The following PABPC4L variants were observed in gnomAD, a reference collection of about 807,000 sequenced individuals.
PABPC4L encodes the protein polyadenylate-binding protein 4-like.
For synonymous variants in PABPC4L, 169 were observed against 164.1 expected (o/e 1.03, Z -0.23); for missense variants, 452 against 451.4 (o/e 1.00, Z -0.01).
chr4:134,045,813 T>C, the PABPC4L span, among the ~76,000 whole-genome samples: 1 of 152,178 alleles, frequency 6.6e-6, no homozygotes, highest in African/African-American at 2.4e-5. Flanking sequence ...TAAATTATTA[T>C]TAATCTTTGC....
At chr4:133,990,920 C>T in the PABPC4L span, among the ~76,000 whole-genome samples, 1 of 152,110 alleles carries the variant, frequency 6.6e-6, no homozygotes, top group Non-Finnish European at 1.5e-5. Flanking sequence ...TCAAAATCTT[C>T]CAGCCTTCCA....
the PABPC4L span, among the ~76,000 whole-genome samples, chr4:134,103,523 A>G: frequency 6.6e-6 from 1 of 151,528 alleles, no homozygotes; most frequent in African/African-American, 2.4e-5. Flanking sequence ...CATTCCTTAA[A>G]AAGATGCCAA....
chr4:134,055,523 A>T, the PABPC4L span, among the ~76,000 whole-genome samples: 2 of 151,594 alleles, frequency 1.3e-5, no homozygotes, highest in Non-Finnish European at 2.9e-5. Context: ...CAATGAAAAA[A>T]TTTTTTTCTA....
In PABPC4L at chr4:134,199,800, G is replaced by T; in HGVS notation, c.*107C>A. On this transcript the variant is annotated 3_prime_UTR_variant, in exon 2 of 2. Coordinates refer to ENST00000421491, the MANE Select transcript of PABPC4L (RefSeq NM_001114734.2). ...TTTATCATAAAGTTTACTAAACTAAGCACCCATCATGTGGAATATGAAATT... is the reference window on the plus strand; with the variant it reads ...TTTATCATAAAGTTTACTAAACTAATCACCCATCATGTGGAATATGAAATT... 7.4e-7 allele frequency: 1 copy of T among 1,359,334 alleles called. No individual in the cohort carries two copies. The highest frequency in any genetic ancestry group is 9.9e-7 in the Non-Finnish European group (1 of 1,015,088). The allele number at this position is 1,359,334 out of a possible 1,614,324, so 84.2% of individuals were successfully genotyped here.
chr4:134,158,795 G>A, the PABPC4L span, among the ~76,000 whole-genome samples: 3 of 151,998 alleles, frequency 2.0e-5, no homozygotes, highest in African/African-American at 7.2e-5. Flanking sequence ...TCTGAAAAAT[G>A]GCATCATTAG....
chr4:133,974,234 G>A, the PABPC4L span, among the ~76,000 whole-genome samples: 3 of 151,998 alleles, frequency 2.0e-5, no homozygotes, highest in African/African-American at 4.8e-5. Flanking sequence ...TTTCAACAAC[G>A]GTACCAAGAC....
the PABPC4L span, among the ~76,000 whole-genome samples, chr4:134,146,278 G>A: frequency 1.7e-4 from 26 of 151,600 alleles, no homozygotes; most frequent in Non-Finnish European, 3.5e-4. Context: ...TATTACTTAT[G>A]ATAGAATAAT....
At chr4:134,052,951 T>G in the PABPC4L span, among the ~76,000 whole-genome samples, 1 of 152,130 alleles carries the variant, frequency 6.6e-6, no homozygotes, top group Non-Finnish European at 1.5e-5. Flanking sequence ...TATTTTAAAA[T>G]TATTTATTTT....
At chr4:134,154,436 A>T in the PABPC4L span, among the ~76,000 whole-genome samples, 5 of 152,176 alleles carry the variant, frequency 3.3e-5, 1 homozygote, top group Non-Finnish European at 7.4e-5. Flanking sequence ...AGCCTGGGCA[A>T]CAGAGCCAGA....
the PABPC4L span, among the ~76,000 whole-genome samples, chr4:133,958,673 GA>G: frequency 2.0e-3 from 308 of 152,262 alleles, 1 homozygote; most frequent in African/African-American, 7.2e-3. Flanking sequence ...GGTGGAAGGT[GA>G]AAATACCTCT....
the PABPC4L span, among the ~76,000 whole-genome samples, chr4:134,016,753 C>G: frequency 6.6e-6 from 1 of 152,120 alleles, no homozygotes. Flanking sequence ...TAGAACCTCT[C>G]ATTTCCTTTC....
chr4:134,097,248 T>C, the PABPC4L span, among the ~76,000 whole-genome samples: 8 of 152,042 alleles, frequency 5.3e-5, no homozygotes, highest in Admixed American at 3.9e-4. Flanking sequence ...ACTCTTGACA[T>C]ACTTTTTAAG....
chr4:134,187,047 G>A, the PABPC4L span, among the ~76,000 whole-genome samples: 6 of 152,164 alleles, frequency 3.9e-5, no homozygotes, highest in South Asian at 4.1e-4. Context: ...GAAACAACAG[G>A]TGCTGGAGAG....
At chr4:134,173,155 T>A in the PABPC4L span, among the ~76,000 whole-genome samples, 3 of 79,658 alleles carry the variant, frequency 3.8e-5, no homozygotes, top group African/African-American at 5.6e-5. Flanking sequence ...CTGTGGAGAT[T>A]CCTCAAAAAA....
the PABPC4L span, among the ~76,000 whole-genome samples, chr4:134,179,241 T>A: frequency 6.6e-6 from 1 of 151,920 alleles, no homozygotes; most frequent in Non-Finnish European, 1.5e-5. Context: ...TGGGGGCCAA[T>A]ATTCAGCATT....
the PABPC4L span, among the ~76,000 whole-genome samples, chr4:134,020,313 A>G: frequency 6.6e-6 from 1 of 152,154 alleles, no homozygotes; most frequent in East Asian, 1.9e-4. Flanking sequence ...TAAAAAGATC[A>G]TGGAAGATGT....
the PABPC4L span, among the ~76,000 whole-genome samples, chr4:134,089,599 G>GT: frequency 3.3e-5 from 5 of 151,866 alleles, no homozygotes; most frequent in African/African-American, 1.2e-4. Flanking sequence ...TTTATCACAG[G>GT]TTTGTATGTA....
chr4:134,095,524 C>T, the PABPC4L span, among the ~76,000 whole-genome samples: 1 of 151,724 alleles, frequency 6.6e-6, no homozygotes, highest in Non-Finnish European at 1.5e-5. Context: ...AACGCCAATC[C>T]ATATATTCTT....
At chr4:134,105,176 T>C in the PABPC4L span, among the ~76,000 whole-genome samples, 1 of 151,624 alleles carries the variant, frequency 6.6e-6, no homozygotes, top group Non-Finnish European at 1.5e-5. Context: ...GAAAATCAAA[T>C]GCAAATATCA....
Sources: allele counts gnomAD v4.1 joint callset (sites outside exome capture counted in the v4.1 genomes callset), GRCh38; gene constraint gnomAD v4.1.1; transcripts MANE v1.5; gene names NCBI Gene and HGNC (gene_info 2026-07-23, HGNC 2026-07-21).